The following LAPTM5 variants were observed in gnomAD, a reference collection of about 807,000 sequenced individuals.
LAPTM5 encodes the protein lysosomal-associated transmembrane protein 5.
LAPTM5 carries 11 observed loss-of-function variants against 30.1 expected under a neutral mutation model. The observed-to-expected ratio is 0.37, with a 90% confidence interval of 0.23 to 0.60. The LOEUF (loss-of-function observed/expected upper bound fraction) is 0.60, where lower values mean the gene tolerates loss of function less well. LAPTM5 is among the 20% of genes least tolerant of loss of function. LAPTM5 has a pLI of 0.71. For synonymous variants in LAPTM5, 151 were observed against 137.9 expected, an observed-to-expected ratio of 1.10 and a Z score of -0.67; for missense variants, 324 against 332.5, an observed-to-expected ratio of 0.97 and a Z score of 0.20.
intron 1 of LAPTM5, among the ~76,000 whole-genome samples, chr1:30,750,204 A>G (rs1412456866): frequency 1.3e-5 from 2 of 152,176 alleles, no homozygotes; most frequent in Non-Finnish European, 2.9e-5. Context: ...GCCTCCAGGT[A>G]TGACACAAGG....
intron 1 of LAPTM5, among the ~76,000 whole-genome samples, chr1:30,745,702 G>T (rs1017384027): frequency 3.9e-5 from 6 of 152,224 alleles, no homozygotes; most frequent in African/African-American, 1.4e-4. Flanking sequence ...GAAGATGCCA[G>T]GCCCTGACCC....
chr1:30,736,598 T>A (rs899162662), intron 6 of LAPTM5, among the ~76,000 whole-genome samples: 1 of 139,520 alleles, frequency 7.2e-6, no homozygotes, highest in Non-Finnish European at 1.5e-5. Flanking sequence ...CACATCCAAC[T>A]TTTTTTTTTT....
Position 30,732,876 on chromosome 1 carries a change from G to A in LAPTM5, c.*952C>T, listed in dbSNP as rs1017282984. 1.3e-5 allele frequency: 2 copies of A among 152,268 alleles called. No individual in the cohort carries two copies. The highest frequency in any genetic ancestry group is 2.9e-5 in the Non-Finnish European group (2 of 68,086). The allele number at this position is 152,268 out of a possible 1,614,324, so 9.4% of individuals were successfully genotyped here. A position where few individuals can be genotyped will look rare whatever the true frequency, so the allele number is the denominator to read the frequency against. On this transcript the variant is annotated 3_prime_UTR_variant, in exon 8 of 8. Coordinates refer to ENST00000294507, the MANE Select transcript of LAPTM5 (RefSeq NM_006762.3). Reference sequence around the variant, plus strand: ...CTATGACTGAATCGACTGAATGGATGGCCAGCGACAGCCTGGCCTGGGAAT... The same window carrying A: ...CTATGACTGAATCGACTGAATGGATAGCCAGCGACAGCCTGGCCTGGGAAT...
chr1:30,742,500 C>G lies in LAPTM5; in HGVS notation c.137G>C (p.Gly46Ala). 6.2e-7 allele frequency: 1 copy of G among 1,613,820 alleles called. No homozygotes were observed. The highest frequency in any genetic ancestry group is 2.2e-5 in the East Asian group (1 of 44,880). Residue 46 changes from glycine (G) to alanine (A), a missense_variant, in exon 2 of 8, where the codon GGC becomes GCC. Gly to Ala is a moderately conservative substitution (Grantham distance 60). Transcript: ENST00000294507. ...CTGGGAGAGCTTGCAGGACGCCTTG[C>G]CATGGGCCACCTCTACTGAGTGCTC... is the stretch of plus-strand genomic sequence containing the variant. ...FIEHSVEVAH[G>A]KASCKLSQMG...
chr1:30,736,735 T>A (rs921988973), intron 6 of LAPTM5, among the ~76,000 whole-genome samples: 3 of 152,104 alleles, frequency 2.0e-5, no homozygotes, highest in Non-Finnish European at 4.4e-5. Flanking sequence ...CACATCCAGC[T>A]CATCTGTAGT....
intron 1 of LAPTM5, among the ~76,000 whole-genome samples, chr1:30,749,728 G>C (rs1640103880): frequency 6.6e-6 from 1 of 152,176 alleles, no homozygotes; most frequent in Non-Finnish European, 1.5e-5. Flanking sequence ...CCCCGAAAGA[G>C]CAATGGAAAA....
At chr1:30,737,524 T>C in intron 6 of LAPTM5, 80 bp downstream of exon 6, 1 of 1,003,138 alleles carries the variant, frequency 1.0e-6, no homozygotes, top group Non-Finnish European at 1.5e-6. Context: ...CCCTGCCTTC[T>C]AACAGCTTGG....
chr1:30,753,636 A>G (rs1290250170), intron 1 of LAPTM5, among the ~76,000 whole-genome samples: 1 of 152,214 alleles, frequency 6.6e-6, no homozygotes, highest in Non-Finnish European at 1.5e-5. Context: ...AAAATCTGAG[A>G]AACCATCATA....
At position 30,732,781 on chromosome 1, in the gene LAPTM5, A is replaced by G. The variant is rs1369757605; in HGVS notation, c.*1047T>C. 1.3e-5 allele frequency: 2 copies of G among 152,252 alleles called. No individual in the cohort carries two copies. Among genetic ancestry groups the G allele is most frequent in the Admixed American group, 6.5e-5 (1 of 15,282 alleles). The allele number at this position is 152,252 out of a possible 1,614,324, so 9.4% of individuals were successfully genotyped here. ...TGAACTAACCTGTGGGTTTAGTCCA[A>G]CGAACAGATGTGCCTGATTTCAGGG... On this transcript the variant is annotated 3_prime_UTR_variant, in exon 8 of 8. Coordinates refer to ENST00000294507, the MANE Select transcript of LAPTM5 (RefSeq NM_006762.3).
At chr1:30,735,786 G>A (rs1355900701) in intron 6 of LAPTM5, among the ~76,000 whole-genome samples, 2 of 152,174 alleles carry the variant, frequency 1.3e-5, no homozygotes, top group East Asian at 3.8e-4. Flanking sequence ...TTCCAGAGTG[G>A]GGCATACAAT....
intron 1 of LAPTM5, among the ~76,000 whole-genome samples, chr1:30,747,107 C>T (rs1279586197): frequency 5.9e-5 from 9 of 152,124 alleles, no homozygotes; most frequent in African/African-American, 1.7e-4. Context: ...TGAGGGAGAG[C>T]GCATTGCTGT....
At chr1:30,743,273 G>T (rs1157336227) in intron 1 of LAPTM5, among the ~76,000 whole-genome samples, 2 of 152,140 alleles carry the variant, frequency 1.3e-5, no homozygotes, top group Non-Finnish European at 2.9e-5. Flanking sequence ...ATGTCTCTTT[G>T]TTCATTCCCC....
At chr1:30,754,220 C>T (rs1018109836) in intron 1 of LAPTM5, among the ~76,000 whole-genome samples, 1 of 151,908 alleles carries the variant, frequency 6.6e-6, no homozygotes, top group Non-Finnish European at 1.5e-5. Flanking sequence ...AAGCCAGGAC[C>T]CAAGAGACCC....
Position 30,733,354 on chromosome 1 carries a change from AG to A in LAPTM5, c.*473del, listed in dbSNP as rs28362505. The A allele has an allele frequency of 5.3e-4, 169 of 320,842 alleles. No homozygotes were observed. The highest frequency in any genetic ancestry group is 2.3e-3 in the East Asian group (24 of 10,560). 19.9% of individuals were successfully genotyped at this position (320,842 alleles called of 1,614,324 possible). On this transcript the variant is annotated 3_prime_UTR_variant, in exon 8 of 8. Coordinates refer to ENST00000294507, the MANE Select transcript of LAPTM5 (RefSeq NM_006762.3). ...AAATTGATTACATATATTTATATAT[AG>A]GGGGTAACTAATTAATGATTACTTG...
At chr1:30,749,424 G>A (rs888769471) in intron 1 of LAPTM5, among the ~76,000 whole-genome samples, 10 of 152,196 alleles carry the variant, frequency 6.6e-5, no homozygotes, top group African/African-American at 2.4e-4. Flanking sequence ...TGTTCACCTT[G>A]TAGAAGCCCA....
In LAPTM5 at chr1:30,733,743, C is replaced by T. The variant is rs1399951670; in HGVS notation, c.*85G>A. The T allele has an allele frequency of 9.8e-6, 15 of 1,538,228 alleles. No individual in the cohort carries two copies. The African/African-American group carries it at 1.8e-4, about 18-fold the overall frequency. ...CCAGGGAGGGGCGGGAGGGCCCACCCAGGCCACAGGGGCCACCAAAGCAAA... is the reference window on the plus strand; with the variant it reads ...CCAGGGAGGGGCGGGAGGGCCCACCTAGGCCACAGGGGCCACCAAAGCAAA... On this transcript the variant is annotated 3_prime_UTR_variant, in exon 8 of 8. Transcript: ENST00000294507.
intron 1 of LAPTM5, among the ~76,000 whole-genome samples, chr1:30,750,167 G>A (rs1485689332): frequency 6.6e-6 from 1 of 152,054 alleles, no homozygotes; most frequent in Non-Finnish European, 1.5e-5. Context: ...CTCCCTTTAG[G>A]AGCAGCCAGT....
intron 1 of LAPTM5, among the ~76,000 whole-genome samples, chr1:30,743,393 G>C (rs1639998813): frequency 6.6e-6 from 1 of 152,152 alleles, no homozygotes; most frequent in Non-Finnish European, 1.5e-5. Context: ...AATCTGATAG[G>C]CCTGAGTGTT....
chr1:30,733,763 A>G lies in LAPTM5; in HGVS notation c.*65T>C. ...CCACCCAGGCCACAGGGGCCACCAA[A>G]GCAAAAAAGCAGATTATGAGGCAGC... On this transcript the variant is annotated 3_prime_UTR_variant, in exon 8 of 8. Coordinates refer to ENST00000294507, the MANE Select transcript of LAPTM5 (RefSeq NM_006762.3). 4 of 1,556,302 alleles carry G rather than the reference A, an allele frequency of 2.6e-6. No individual in the cohort carries two copies. The Admixed American group carries it at 8.0e-5, about 31-fold the overall frequency.
Sources: gnomAD v4.1 joint callset for allele counts (sites outside exome capture counted in the v4.1 genomes callset) on GRCh38, gnomAD v4.1.1 for gene constraint, MANE v1.5 for transcripts, NCBI Gene and HGNC (gene_info 2026-07-23, HGNC 2026-07-21) for gene names.